Variants in POC1B observed in about 807,000 individuals in gnomAD.
POC1B encodes the protein POC1 centriolar protein homolog B.
In POC1B, 44 loss-of-function variants were observed where a neutral mutation model predicts 60.6. The ratio of observed to expected loss-of-function variants is 0.73; its 90% confidence interval spans 0.57 to 0.93. The LOEUF (loss-of-function observed/expected upper bound fraction) is 0.93. POC1B is among the 40% of genes least tolerant of loss of function. POC1B has a pLI of 0.00. For synonymous variants in POC1B, 180 were observed against 198.9 expected (o/e 0.90, Z 0.80); for missense variants, 555 against 572.3 (o/e 0.97, Z 0.31).
the POC1B span, among the ~76,000 whole-genome samples, chr12:89,408,469 T>C: frequency 6.6e-6 from 1 of 151,886 alleles, no homozygotes; most frequent in Non-Finnish European, 1.5e-5. Flanking sequence ...CCAGCATGTG[T>C]TGTTTCCTGA....
At chr12:89,402,157 C>A in the POC1B span, among the ~76,000 whole-genome samples, 6 of 152,136 alleles carry the variant, frequency 3.9e-5, no homozygotes, top group Non-Finnish European at 8.8e-5. Context: ...TTCTCCCTTC[C>A]TTCCCGTCCC....
intron 10 of POC1B, among the ~76,000 whole-genome samples, chr12:89,444,283 C>T (rs111843337): frequency 0.012 from 1,811 of 152,266 alleles, 36 homozygotes; most frequent in African/African-American, 0.042. Flanking sequence ...GATACCAAAG[C>T]CTGGCAGAGA....
intron 2 of POC1B, among the ~76,000 whole-genome samples, chr12:89,515,283 TTGTA>T (rs1398213338): frequency 1.3e-5 from 2 of 151,958 alleles, no homozygotes; most frequent in Non-Finnish European, 2.9e-5. Context: ...AAATATATCA[TTGTA>T]TTTATTTATT....
intron 10 of POC1B, among the ~76,000 whole-genome samples, chr12:89,445,973 C>T (rs556957792): frequency 2.6e-4 from 39 of 152,162 alleles, no homozygotes; most frequent in Non-Finnish European, 3.7e-4. Flanking sequence ...CAAAAGAAGA[C>T]ATTTATGCAG....
chr12:89,525,849 A>AG (rs1565768356), intron 1 of POC1B, 32 bp downstream of exon 1: 1 of 1,410,102 alleles, frequency 7.1e-7, no homozygotes, highest in Non-Finnish European at 9.3e-7. Context: ...GGCTCCAGGG[A>AG]GGGACCCCCC....
intron 2 of POC1B, chr12:89,502,661 G>C: frequency 7.5e-7 from 1 of 1,333,994 alleles, no homozygotes; most frequent in Non-Finnish European, 1.1e-6. Flanking sequence ...TCAATTTTTT[G>C]TTAAGCATGG....
At chr12:89,488,882 T>C (rs535944089) in intron 4 of POC1B, among the ~76,000 whole-genome samples, 2 of 152,322 alleles carry the variant, frequency 1.3e-5, no homozygotes, top group South Asian at 4.1e-4. Context: ...TGCAGCTCCC[T>C]GTGAAGAATA....
Position 89,498,772 on chromosome 12 carries a change from A to G in POC1B, c.101-1430T>C, listed in dbSNP as rs143090959. 2.6e-3 allele frequency among the ~76,000 whole-genome samples: 397 copies of G among 152,324 alleles called. 1 individual carries two copies. The highest frequency in any genetic ancestry group is 0.024 in the Middle Eastern group (7 of 294). ...AAAGCAAGGAAACTGATGAGTTATC[A>G]TATGTAATAAACTCAGGACACTATT... On this transcript the variant is annotated intron_variant, in intron 2 of 11. Transcript: ENST00000313546.
At chr12:89,473,691 A>G (rs546885616) in intron 4 of POC1B, among the ~76,000 whole-genome samples, 4 of 151,202 alleles carry the variant, frequency 2.6e-5, no homozygotes, top group African/African-American at 4.8e-5. Context: ...AAAAAAGTCA[A>G]GAAAATAACC....
intron 10 of POC1B, among the ~76,000 whole-genome samples, chr12:89,441,921 C>T (rs1340169592): frequency 6.6e-6 from 1 of 151,966 alleles, no homozygotes; most frequent in Non-Finnish European, 1.5e-5. Flanking sequence ...CGTTTATGAC[C>T]TGATAGAGCT....
intron 7 of POC1B, 130 bp from the exon 8 acceptor site, chr12:89,467,815 T>C (rs1005276439): frequency 1.9e-6 from 1 of 528,526 alleles, no homozygotes; most frequent in African/African-American, 1.9e-5. Context: ...ATAAAACACA[T>C]CAGTTGCTAG....
Position 89,472,282 on chromosome 12 carries a change from A to G in POC1B, c.453-7T>C. The G allele has an allele frequency of 1.2e-5, 5 of 407,476 alleles. No individual in the cohort carries two copies. Among genetic ancestry groups the G allele is most frequent in the Non-Finnish European group, 1.6e-5 (5 of 305,552 alleles). The allele number at this position is 407,476 out of a possible 1,614,324, so 25.2% of individuals were successfully genotyped here. On this transcript the variant is annotated splice_polypyrimidine_tract_variant and splice_region_variant and intron_variant, in intron 4 of 11. Coordinates refer to ENST00000313546, the MANE Select transcript of POC1B (RefSeq NM_172240.3). Reference sequence around the variant, plus strand: ...TCTTCCATCGGGTGAAAATCTAGAAAGAAGAAGAAAGAAGATGTTTTATGT... The same window carrying G: ...TCTTCCATCGGGTGAAAATCTAGAAGGAAGAAGAAAGAAGATGTTTTATGT...
At chr12:89,460,086 T>A (rs1206075007) in intron 9 of POC1B, 1 of 335,740 alleles carries the variant, frequency 3.0e-6, no homozygotes. Flanking sequence ...AAGATAACAA[T>A]TAGAAAGAAA....
chr12:89,453,692 A>G (rs550833982), intron 10 of POC1B, among the ~76,000 whole-genome samples: 4 of 152,340 alleles, frequency 2.6e-5, no homozygotes, highest in African/African-American at 7.2e-5. Flanking sequence ...AAGACACTGA[A>G]GTTCACATAC....
intron 2 of POC1B, among the ~76,000 whole-genome samples, chr12:89,518,506 T>C (rs1870584455): frequency 1.3e-5 from 2 of 152,214 alleles, no homozygotes; most frequent in Non-Finnish European, 2.9e-5. Context: ...TCCTGAGGTA[T>C]TTTTAAAAAC....
At chr12:89,480,638 C>A (rs1203685158) in intron 4 of POC1B, among the ~76,000 whole-genome samples, 2 of 136,962 alleles carry the variant, frequency 1.5e-5, no homozygotes, top group Non-Finnish European at 3.1e-5. Context: ...GTCTCACTGT[C>A]GCCCAGGCTG....
At chr12:89,496,882 T>C (rs972954210) in intron 3 of POC1B, among the ~76,000 whole-genome samples, 3 of 152,028 alleles carry the variant, frequency 2.0e-5, no homozygotes, top group African/African-American at 7.2e-5. Context: ...GGGGAGACAG[T>C]CTAAAGCTTA....
intron 9 of POC1B, among the ~76,000 whole-genome samples, chr12:89,465,122 G>C (rs1882637552): frequency 6.6e-6 from 1 of 152,134 alleles, no homozygotes; most frequent in African/African-American, 2.4e-5. Context: ...ATTTGTTTGA[G>C]AGTGGCTTTG....
intron 5 of POC1B, 25 bp from the exon 6 acceptor site, chr12:89,471,754 T>C (rs1882906804): frequency 1.7e-6 from 2 of 1,182,314 alleles, no homozygotes; most frequent in South Asian, 1.4e-5. Context: ...TAAGATGACC[T>C]AATATTTCAA....
Sources: gnomAD v4.1 joint callset for allele counts (sites outside exome capture counted in the v4.1 genomes callset) on GRCh38, gnomAD v4.1.1 for gene constraint, MANE v1.5 for transcripts, NCBI Gene and HGNC (gene_info 2026-07-23, HGNC 2026-07-21) for gene names.